Variants in WWOX observed in about 807,000 individuals in gnomAD.
WWOX encodes the protein WW domain containing oxidoreductase.
In WWOX, 69 loss-of-function variants were observed where a neutral mutation model predicts 46.2. The ratio of observed to expected loss-of-function variants is 1.49; its 90% CI spans 1.23 to 1.82. The LOEUF (loss-of-function observed/expected upper bound fraction) is 1.82. Ranked by LOEUF, WWOX falls within the 40% of genes most tolerant of loss-of-function variation. WWOX has a pLI of 0.00. For synonymous variants in WWOX, 359 were observed against 202.6 expected, an observed-to-expected ratio of 1.77 and a Z score of -6.56; for missense variants, 919 against 542.6, an observed-to-expected ratio of 1.69 and a Z score of -6.89.
At chr16:78,866,678 G>A (rs938401711) in intron 8 of WWOX, among the ~76,000 whole-genome samples, 1 of 152,212 alleles carries the variant, frequency 6.6e-6, no homozygotes, top group African/African-American at 2.4e-5. Flanking sequence ...AACGTAGCCT[G>A]ATTGTTCTAA....
At chr16:79,011,700 C>T (rs560097245) in intron 8 of WWOX, among the ~76,000 whole-genome samples, 8 of 151,858 alleles carry the variant, frequency 5.3e-5, no homozygotes, top group East Asian at 1.9e-4. Flanking sequence ...GCCGTGTTGC[C>T]GAGGCTGGTC....
intron 8 of WWOX, among the ~76,000 whole-genome samples, chr16:78,738,601 C>T (rs1001229246): frequency 6.6e-6 from 1 of 152,050 alleles, no homozygotes; most frequent in East Asian, 1.9e-4. Context: ...ATTATCTAGT[C>T]CCTGAACAGC....
chr16:78,467,576 CTT>C (rs2084111702), intron 8 of WWOX, among the ~76,000 whole-genome samples: 1 of 152,078 alleles, frequency 6.6e-6, no homozygotes, highest in South Asian at 2.1e-4. Context: ...TGTAAAATGA[CTT>C]TGAAAACTCG....
chr16:79,109,205 C>A (rs1056803654), intron 8 of WWOX, among the ~76,000 whole-genome samples: 1 of 152,174 alleles, frequency 6.6e-6, no homozygotes, highest in Non-Finnish European at 1.5e-5. Context: ...TAAGCCGAAA[C>A]GTATTCCTTT....
chr16:78,261,718 T>G (rs1191220632), intron 5 of WWOX, among the ~76,000 whole-genome samples: 1 of 147,846 alleles, frequency 6.8e-6, no homozygotes, highest in African/African-American at 2.5e-5. Flanking sequence ...AAACATGTTG[T>G]ATGTGGGCCC....
chr16:78,175,042 A>G (rs2035294270), intron 5 of WWOX, among the ~76,000 whole-genome samples: 1 of 146,466 alleles, frequency 6.8e-6, no homozygotes, highest in African/African-American at 2.5e-5. Flanking sequence ...GAATCTGACT[A>G]AGGTTATTAA....
chr16:78,635,383 G>A (rs1297782780), intron 8 of WWOX, among the ~76,000 whole-genome samples: 1 of 152,144 alleles, frequency 6.6e-6, no homozygotes, highest in Non-Finnish European at 1.5e-5. Flanking sequence ...GGGGACCTCT[G>A]CGACTGCTCA....
At chr16:78,857,222 G>C (rs2052587630) in intron 8 of WWOX, among the ~76,000 whole-genome samples, 1 of 152,090 alleles carries the variant, frequency 6.6e-6, no homozygotes, top group Non-Finnish European at 1.5e-5. Flanking sequence ...CAAAGATAAT[G>C]AACAAGAAAT....
chr16:78,841,108 T>A (rs1044681402), intron 8 of WWOX, among the ~76,000 whole-genome samples: 4 of 152,060 alleles, frequency 2.6e-5, no homozygotes, highest in Non-Finnish European at 1.5e-5. Context: ...GGTAAAAAAC[T>A]TGTTTCCATT....
intron 8 of WWOX, among the ~76,000 whole-genome samples, chr16:78,470,785 T>A (rs1032483203): frequency 2.6e-5 from 4 of 151,978 alleles, no homozygotes; most frequent in Non-Finnish European, 5.9e-5. Flanking sequence ...TACCTCGGCC[T>A]CCCAAAGTGC....
At chr16:78,787,500 A>G (rs1302445804) in intron 8 of WWOX, among the ~76,000 whole-genome samples, 1 of 152,090 alleles carries the variant, frequency 6.6e-6, no homozygotes, top group Non-Finnish European at 1.5e-5. Context: ...TCAGTACTTC[A>G]TTCTTTTTAT....
At position 78,586,384 on chromosome 16, in the gene WWOX, T is replaced by C. The variant is rs183364840; in HGVS notation, c.1056+153632T>C. 6.6e-5 allele frequency among the ~76,000 whole-genome samples: 10 copies of C among 152,252 alleles called. No individual in the cohort carries two copies. The East Asian group carries it at 1.9e-3, about 29-fold the overall frequency. On this transcript the variant is annotated intron_variant, in intron 8 of 8. Coordinates refer to ENST00000566780, the MANE Select transcript of WWOX (RefSeq NM_016373.4). The stretch of plus-strand genomic sequence containing the variant: ...AGACAAACCTCTCCATGTCTCAGTT[T>C]CCTTCCTGGCAAAATGGGGAGGTAA...
intron 8 of WWOX, among the ~76,000 whole-genome samples, chr16:78,761,690 C>G (rs915332673): frequency 1.3e-5 from 2 of 152,114 alleles, no homozygotes; most frequent in African/African-American, 4.8e-5. Flanking sequence ...TTAATACCTC[C>G]TTGGCTTTGA....
In WWOX at chr16:79,098,785, A is replaced by T. The variant is rs74702396; in HGVS notation, c.1057-112823A>T. On this transcript the variant is annotated intron_variant, in intron 8 of 8. Coordinates refer to ENST00000566780, the MANE Select transcript of WWOX (RefSeq NM_016373.4). ...AGTGGAATGCATAGAAATGGTCTTC[A>T]TTTCTGCAAAGAAAAATGTACATTC... Among the ~76,000 whole-genome samples, 477 of 152,352 alleles carry T rather than the reference A, an allele frequency of 3.1e-3. 3 individuals carry two copies. The highest frequency in any genetic ancestry group is 0.011 in the African/African-American group (445 of 41,584).
At chr16:78,467,002 C>G (rs2084095700) in intron 8 of WWOX, among the ~76,000 whole-genome samples, 1 of 152,158 alleles carries the variant, frequency 6.6e-6, no homozygotes, top group Non-Finnish European at 1.5e-5. Flanking sequence ...TGGGGTTATT[C>G]ACAGAGCCAT....
At chr16:78,912,402 C>G (rs1396866447) in intron 8 of WWOX, among the ~76,000 whole-genome samples, 1 of 151,886 alleles carries the variant, frequency 6.6e-6, no homozygotes, top group African/African-American at 2.4e-5. Flanking sequence ...GGTCAGAGAA[C>G]TTGCCCAGGG....
At chr16:78,453,790 T>C (rs2083748378) in intron 8 of WWOX, among the ~76,000 whole-genome samples, 1 of 152,090 alleles carries the variant, frequency 6.6e-6, no homozygotes, top group Admixed American at 6.5e-5. Context: ...AGTGCGAAGA[T>C]AGTTAAGCTC....
intron 8 of WWOX, among the ~76,000 whole-genome samples, chr16:79,022,518 A>G (rs559957633): frequency 1.8e-4 from 28 of 152,178 alleles, no homozygotes; most frequent in African/African-American, 6.5e-4. Flanking sequence ...TTCCGAAAGC[A>G]TATGTTCCCG....
At chr16:78,812,291 G>A (rs1219098782) in intron 8 of WWOX, among the ~76,000 whole-genome samples, 3 of 152,156 alleles carry the variant, frequency 2.0e-5, no homozygotes, top group Non-Finnish European at 4.4e-5. Context: ...GACATCAGCA[G>A]CCAGCCACAG....
Sources: allele counts gnomAD v4.1 joint callset (sites outside exome capture counted in the v4.1 genomes callset), GRCh38; gene constraint gnomAD v4.1.1; transcripts MANE v1.5; gene names NCBI Gene and HGNC (gene_info 2026-07-23, HGNC 2026-07-21).